The following GPR63 variants were observed in gnomAD, a reference collection of about 807,000 sequenced individuals.
GPR63 encodes probable G protein-coupled receptor 63.
In GPR63, 12 loss-of-function variants were observed where a neutral mutation model predicts 23.1. The observed-to-expected ratio is 0.52, with a 90% CI of 0.33 to 0.84. The LOEUF is 0.84. Ranked by LOEUF, GPR63 falls within the 40% of genes least tolerant of loss-of-function variation. The probability of loss-of-function intolerance (pLI) is 0.02; values close to 1 mark genes in which losing one functional copy is unlikely to be tolerated. For missense variants in GPR63, 472 were observed against 515.6 expected (o/e 0.92, Z 0.82); for synonymous variants, 172 against 191.1 (o/e 0.90, Z 0.82).
At chr6:96,805,266 G>A (rs182999669) in intron 1 of GPR63, among the ~76,000 whole-genome samples, 2 of 152,272 alleles carry the variant, frequency 1.3e-5, no homozygotes, top group Admixed American at 1.3e-4. Context: ...GGTGAAGGGT[G>A]AGAGCAGGAA....
rs1467362471 is a variant in GPR63, at chr6:96,799,830, T to C, written c.-99A>G. On this transcript the variant is annotated 5_prime_UTR_variant, in exon 2 of 2. Transcript: ENST00000229955. ...CAGGTCCCATTGATGGGCTTGGAAATACATTCTGGAAAATGGACAATGAGT... is the reference window on the plus strand; with the variant it reads ...CAGGTCCCATTGATGGGCTTGGAAACACATTCTGGAAAATGGACAATGAGT... 8.2e-7 allele frequency: 1 copy of C among 1,222,030 alleles called. No homozygotes were observed. Among genetic ancestry groups the C allele is most frequent in the East Asian group, 2.4e-5 (1 of 42,504 alleles). The allele number at this position is 1,222,030 out of a possible 1,614,324, so 75.7% of individuals were successfully genotyped here. A position where few individuals can be genotyped will look rare whatever the true frequency, so the allele number is the denominator to read the frequency against.
At chr6:96,811,404 T>C (rs559458081) in intron 1 of GPR63, among the ~76,000 whole-genome samples, 1 of 152,110 alleles carries the variant, frequency 6.6e-6, no homozygotes, top group Non-Finnish European at 1.5e-5. Context: ...TTGAACAAAA[T>C]GAAAGTCTAA....
intron 1 of GPR63, among the ~76,000 whole-genome samples, chr6:96,808,474 A>C (rs369559563): frequency 6.6e-6 from 1 of 152,332 alleles, no homozygotes. Flanking sequence ...TTTTAATCAC[A>C]ATTTCACATG....
chr6:96,831,393 T>G (rs1774575919), intron 1 of GPR63, among the ~76,000 whole-genome samples: 1 of 151,946 alleles, frequency 6.6e-6, no homozygotes, highest in Non-Finnish European at 1.5e-5. Context: ...CAGGTCTGGG[T>G]TCAAACCCTA....
intron 1 of GPR63, among the ~76,000 whole-genome samples, chr6:96,833,346 T>A (rs1249932615): frequency 6.6e-6 from 1 of 152,240 alleles, no homozygotes; most frequent in African/African-American, 2.4e-5. Flanking sequence ...TAGATTTAAT[T>A]GATTCTCAAA....
Position 96,798,659 on chromosome 6 carries a change from C to G in GPR63, c.1073G>C (p.Trp358Ser). 6.2e-7 allele frequency: 1 copy of G among 1,614,160 alleles called. No individual in the cohort carries two copies. The change falls in exon 2 of 2, where the codon TGG (tryptophan) becomes TCG (serine). Residue 358 changes from tryptophan (W) to serine (S), a missense_variant. Transcript: ENST00000229955. ...CAATGCAGACTTGAGGTAGCAGAGC[C>G]ACAGTAGCCAGGTGCTAATCTCAAA... is the stretch of plus-strand genomic sequence containing the variant. ...NFFEISTWLL[W>S]LCYLKSALNP...
intron 1 of GPR63, among the ~76,000 whole-genome samples, chr6:96,828,763 C>T (rs1774506165): frequency 1.3e-5 from 2 of 152,196 alleles, no homozygotes; most frequent in African/African-American, 4.8e-5. Context: ...TTACAAGAGA[C>T]ACATCTAAAA....
chr6:96,835,821 T>G (rs992295727), intron 1 of GPR63, among the ~76,000 whole-genome samples: 1 of 152,220 alleles, frequency 6.6e-6, no homozygotes, highest in East Asian at 1.9e-4. Context: ...GGGATGATTT[T>G]CTTCGAAAAC....
At position 96,799,432 on chromosome 6, in the gene GPR63, C is replaced by A. The variant is rs374442152; in HGVS notation, c.300G>T (p.Leu100Phe). 1.2e-6 allele frequency: 2 copies of A among 1,614,060 alleles called. No homozygotes were observed. Among genetic ancestry groups the A allele is most frequent in the Non-Finnish European group, 1.7e-6 (2 of 1,180,026 alleles). ...FILFVSFLGN[L>F]VVCLMVYQKA... ...TTTGGTAAACCATGAGGCAAACAACCAAGTTCCCAAGAAAAGACACAAACA... is the reference window on the plus strand; with the variant it reads ...TTTGGTAAACCATGAGGCAAACAACAAAGTTCCCAAGAAAAGACACAAACA... Residue 100 changes from leucine (L) to phenylalanine (F), a missense_variant, in exon 2 of 2, where the codon TTG (leucine) becomes TTT (phenylalanine). Transcript: ENST00000229955.
chr6:96,804,549 C>T (rs185652243), intron 1 of GPR63, among the ~76,000 whole-genome samples: 28 of 152,212 alleles, frequency 1.8e-4, no homozygotes, highest in Admixed American at 5.2e-4. Flanking sequence ...AAAATATGCA[C>T]ATAATTTTAA....
At chr6:96,816,711 A>G (rs1489250712) in intron 1 of GPR63, among the ~76,000 whole-genome samples, 1 of 152,184 alleles carries the variant, frequency 6.6e-6, no homozygotes, top group Non-Finnish European at 1.5e-5. Context: ...AAAGGATTAA[A>G]AGCTGCTGAA....
At chr6:96,832,401 A>T (rs1325978129) in intron 1 of GPR63, among the ~76,000 whole-genome samples, 2 of 149,362 alleles carry the variant, frequency 1.3e-5, no homozygotes, top group African/African-American at 4.9e-5. Context: ...AGTAGCTGGG[A>T]CCACAACCAC....
intron 1 of GPR63, among the ~76,000 whole-genome samples, chr6:96,825,449 T>C (rs565968678): frequency 1.3e-5 from 2 of 152,212 alleles, no homozygotes; most frequent in East Asian, 3.9e-4. Context: ...ATGGATTCTT[T>C]ATAAAATGTG....
At chr6:96,808,021 G>C (rs1487102644) in intron 1 of GPR63, among the ~76,000 whole-genome samples, 5 of 152,288 alleles carry the variant, frequency 3.3e-5, no homozygotes, top group African/African-American at 4.8e-5. Context: ...CTGTAAAACA[G>C]AGAATACAAC....
intron 1 of GPR63, among the ~76,000 whole-genome samples, chr6:96,825,895 A>G (rs995641662): frequency 1.3e-5 from 2 of 151,908 alleles, no homozygotes; most frequent in Non-Finnish European, 2.9e-5. Flanking sequence ...AAGTTCTTCA[A>G]CTCTTTCTAG....
intron 1 of GPR63, among the ~76,000 whole-genome samples, chr6:96,830,964 A>T (rs994542402): frequency 6.6e-6 from 1 of 152,242 alleles, no homozygotes; most frequent in African/African-American, 2.4e-5. Flanking sequence ...ATACAAACAC[A>T]TAGATAAAAT....
intron 1 of GPR63, among the ~76,000 whole-genome samples, chr6:96,807,126 T>C (rs1246284187): frequency 6.6e-6 from 1 of 152,246 alleles, no homozygotes; most frequent in Non-Finnish European, 1.5e-5. Flanking sequence ...GTCATGTAAA[T>C]GCTCACCAAA....
chr6:96,810,087 G>A lies in GPR63; in HGVS notation c.-150-10206C>T, dbSNP rs146709042. ...CTTAATATTAAACAATTTAAATATT[G>A]TCTAGAATTCTACGTGATAAAAACA... is the stretch of plus-strand genomic sequence containing the variant. On this transcript the variant is annotated intron_variant, in intron 1 of 1. Transcript: ENST00000229955. 2.8e-3 allele frequency among the ~76,000 whole-genome samples: 430 copies of A among 152,244 alleles called. 1 individual carries two copies. Among genetic ancestry groups the A allele is most frequent in the African/African-American group, 9.8e-3 (408 of 41,534 alleles).
Position 96,835,974 on chromosome 6 carries a change from T to C in GPR63, c.-151+1294A>G, listed in dbSNP as rs566185715. ...TAAATAAGCTCCCACATTCTGTTTTTATTGTTCAAAATGATCTGAATGCTC... is the reference window on the plus strand; with the variant it reads ...TAAATAAGCTCCCACATTCTGTTTTCATTGTTCAAAATGATCTGAATGCTC... On this transcript the variant is annotated intron_variant, in intron 1 of 1. Coordinates refer to ENST00000229955, the MANE Select transcript of GPR63 (RefSeq NM_030784.4). Among the ~76,000 whole-genome samples the C allele has an allele frequency of 4.6e-5, 7 of 152,348 alleles. No homozygotes were observed. The South Asian group carries it at 1.4e-3, about 32-fold the overall frequency.
Sources: allele counts gnomAD v4.1 joint callset (sites outside exome capture counted in the v4.1 genomes callset), GRCh38; gene constraint gnomAD v4.1.1; transcripts MANE v1.5; gene names NCBI Gene and HGNC (gene_info 2026-07-23, HGNC 2026-07-21).